The following KIAA1671 variants were observed in gnomAD, a reference collection of about 807,000 sequenced individuals.
KIAA1671 encodes the protein KIAA1671.
Under a neutral mutation model 131.2 loss-of-function variants are expected in KIAA1671, and 52 were observed. The observed-to-expected ratio is 0.40, with a 90% CI of 0.32 to 0.50. The LOEUF is 0.50. Ranked by LOEUF, KIAA1671 falls within the 20% of genes least tolerant of loss-of-function variation. The pLI is 0.73. For synonymous variants in KIAA1671, 1,003 were observed against 961.6 expected (o/e 1.04, Z -0.80); for missense variants, 2,360 against 2,364.2 (o/e 1.00, Z 0.04).
chr22:24,953,827 A>G (rs1190123461), intron 1 of KIAA1671, among the ~76,000 whole-genome samples: 1 of 152,200 alleles, frequency 6.6e-6, no homozygotes. Context: ...TTCTCTAGCC[A>G]GGAGCAGCCA....
At chr22:25,171,800 C>T (rs190189909) in intron 7 of KIAA1671, among the ~76,000 whole-genome samples, 54 of 151,906 alleles carry the variant, frequency 3.6e-4, no homozygotes, top group African/African-American at 1.3e-3. Flanking sequence ...ACAGATGAGG[C>T]GCTGGGGTGG....
intron 6 of KIAA1671, among the ~76,000 whole-genome samples, chr22:25,093,824 T>TCTA: frequency 4.6e-5 from 1 of 21,952 alleles, no homozygotes; most frequent in South Asian, 1.7e-3. Flanking sequence ...CTCTCTCTCT[T>TCTA]TCTCTCTCTG....
At chr22:24,969,009 C>T (rs772043141) in intron 1 of KIAA1671, among the ~76,000 whole-genome samples, 3 of 152,148 alleles carry the variant, frequency 2.0e-5, no homozygotes, top group Non-Finnish European at 4.4e-5. Flanking sequence ...AGGCGATTCT[C>T]CCACGTCAAC....
At chr22:24,974,548 T>C (rs1167832997) in intron 1 of KIAA1671, among the ~76,000 whole-genome samples, 1 of 152,110 alleles carries the variant, frequency 6.6e-6, no homozygotes, top group Non-Finnish European at 1.5e-5. Flanking sequence ...CAAACTCCAG[T>C]CATTCTTGTA....
At chr22:25,150,897 A>C (rs546222172) in intron 6 of KIAA1671, among the ~76,000 whole-genome samples, 1 of 144,344 alleles carries the variant, frequency 6.9e-6, no homozygotes, top group Non-Finnish European at 1.5e-5. Context: ...CCGTGGCGCA[A>C]TCTCGGCTTA....
intron 1 of KIAA1671, among the ~76,000 whole-genome samples, chr22:24,983,657 G>A (rs1180317402): frequency 2.0e-5 from 3 of 147,046 alleles, no homozygotes; most frequent in Non-Finnish European, 4.4e-5. Flanking sequence ...AGAGGGAACA[G>A]CTTGCGCTAG....
chr22:25,043,153 C>G (rs1297914390), intron 5 of KIAA1671, among the ~76,000 whole-genome samples: 1 of 152,126 alleles, frequency 6.6e-6, no homozygotes, highest in African/African-American at 2.4e-5. Flanking sequence ...TAATTACAAG[C>G]ACACCCTTTT....
rs1261538547 is a variant in KIAA1671 at position 25,183,971 on chromosome 22, A to G, written c.5200-1006A>G. On this transcript the variant is annotated intron_variant, in intron 10 of 12. Coordinates refer to ENST00000358431, the MANE Select transcript of KIAA1671 (RefSeq NM_001145206.2). ...GTGAGATGGAGGCCCTGGGGCTCCC[A>G]TGTGGATGCACCGAGTAACTGCTGA... Among the ~76,000 whole-genome samples, 3 of 152,216 alleles carry G rather than the reference A, an allele frequency of 2.0e-5. No individual in the cohort carries two copies. The East Asian group carries it at 5.8e-4, about 29-fold the overall frequency.
At chr22:25,114,821 C>A (rs759058883) in intron 6 of KIAA1671, among the ~76,000 whole-genome samples, 1 of 152,206 alleles carries the variant, frequency 6.6e-6, no homozygotes, top group South Asian at 2.1e-4. Context: ...TTTTTAAAGC[C>A]ACAGACAATT....
intron 6 of KIAA1671, among the ~76,000 whole-genome samples, chr22:25,095,973 C>G (rs1442372433): frequency 2.0e-5 from 3 of 152,162 alleles, no homozygotes; most frequent in African/African-American, 7.2e-5. Flanking sequence ...AGCACTGTCC[C>G]TGGGATCAGA....
intron 6 of KIAA1671, among the ~76,000 whole-genome samples, chr22:25,162,912 G>A (rs1234866509): frequency 6.6e-6 from 1 of 152,202 alleles, no homozygotes; most frequent in Non-Finnish European, 1.5e-5. Context: ...AAACTCTGGT[G>A]TAGATTGACT....
In KIAA1671 at chr22:25,029,551, A is replaced by G. The variant is rs1172865705; in HGVS notation, c.1541+11A>G. On this transcript the variant is annotated intron_variant, in intron 3 of 12. Coordinates refer to ENST00000358431, the MANE Select transcript of KIAA1671 (RefSeq NM_001145206.2). ...GGATTTGACCAAATTGTAAGTAGGC[A>G]CATCCCACACCCCTCTCTCAGCCGC... The G allele has an allele frequency of 1.3e-6, 2 of 1,514,148 alleles. No individual in the cohort carries two copies. The highest frequency in any genetic ancestry group is 1.8e-6 in the Non-Finnish European group (2 of 1,127,540). 93.8% of individuals were successfully genotyped at this position (1,514,148 alleles called of 1,614,324 possible). A position where few individuals can be genotyped will look rare whatever the true frequency, so the allele number is the denominator to read the frequency against.
At chr22:25,130,279 T>G (rs1360348311) in intron 6 of KIAA1671, among the ~76,000 whole-genome samples, 1 of 152,224 alleles carries the variant, frequency 6.6e-6, no homozygotes, top group Non-Finnish European at 1.5e-5. Flanking sequence ...CACACCCTGT[T>G]AAGATCTAGG....
Position 25,193,095 on chromosome 22 carries a change from C to G in KIAA1671, c.*694C>G, listed in dbSNP as rs905765629. On this transcript the variant is annotated 3_prime_UTR_variant, in exon 13 of 13. Transcript: ENST00000358431. ...TTTAGAAGGCGATAAAGCAATAATT[C>G]AGCTAATTTTCTTTGAAACTTGATA... 4.6e-5 allele frequency: 7 copies of G among 152,084 alleles called. No homozygotes were observed. The highest frequency in any genetic ancestry group is 1.7e-4 in the African/African-American group (7 of 41,390). 9.4% of individuals were successfully genotyped at this position (152,084 alleles called of 1,614,324 possible). A position where few individuals can be genotyped will look rare whatever the true frequency, so the allele number is the denominator to read the frequency against.
chr22:25,009,071 T>C (rs1270949825), intron 1 of KIAA1671, among the ~76,000 whole-genome samples: 1 of 152,066 alleles, frequency 6.6e-6, no homozygotes, highest in Non-Finnish European at 1.5e-5. Context: ...TTGGTATAGA[T>C]GGCATGGAAA....
intron 10 of KIAA1671, among the ~76,000 whole-genome samples, 182 bp downstream of exon 10, chr22:25,182,005 G>A (rs559291732): frequency 1.1e-3 from 161 of 152,130 alleles, no homozygotes; most frequent in Middle Eastern, 3.4e-3. Flanking sequence ...GTGAAACCCC[G>A]TCTCTACTAA....
chr22:25,167,800 T>G (rs1933695323), intron 6 of KIAA1671, among the ~76,000 whole-genome samples: 1 of 152,160 alleles, frequency 6.6e-6, no homozygotes, highest in African/African-American at 2.4e-5. Context: ...TTCACAGTAT[T>G]CCCACGAACA....
chr22:25,152,639 G>A (rs1933087216), intron 6 of KIAA1671, among the ~76,000 whole-genome samples: 1 of 152,176 alleles, frequency 6.6e-6, no homozygotes, highest in Non-Finnish European at 1.5e-5. Flanking sequence ...GAGTTGGTCT[G>A]TCACCCAGGC....
intron 6 of KIAA1671, among the ~76,000 whole-genome samples, chr22:25,164,978 C>CGGGGGTGTGT (rs1933592577): frequency 8.6e-6 from 1 of 116,584 alleles, no homozygotes. Context: ...GAGTTGCAGG[C>CGGGGGTGTGT]GTGTGTGTGT....
Sources: gnomAD v4.1 joint callset for allele counts (sites outside exome capture counted in the v4.1 genomes callset) on GRCh38, gnomAD v4.1.1 for gene constraint, MANE v1.5 for transcripts, NCBI Gene and HGNC (gene_info 2026-07-23, HGNC 2026-07-21) for gene names.